The following EPB41L3 variants were observed in gnomAD, a reference collection of about 807,000 sequenced individuals.
The protein encoded by EPB41L3 is band 4.1-like protein 3.
EPB41L3 carries 57 observed loss-of-function variants against 127.1 expected under a neutral mutation model. The ratio of observed to expected loss-of-function variants is 0.45; its 90% CI spans 0.36 to 0.56. EPB41L3 has a LOEUF of 0.56. Ranked by LOEUF, EPB41L3 falls within the 20% of genes least tolerant of loss-of-function variation. EPB41L3 has a pLI of 0.00. For synonymous variants in EPB41L3, 572 were observed against 549.5 expected, an observed-to-expected ratio of 1.04 and a Z score of -0.57; for missense variants, 1,273 against 1,372.2, an observed-to-expected ratio of 0.93 and a Z score of 1.14.
At chr18:5,513,160 T>G (rs2092611021) in intron 1 of EPB41L3, among the ~76,000 whole-genome samples, 1 of 152,136 alleles carries the variant, frequency 6.6e-6, no homozygotes, top group Non-Finnish European at 1.5e-5. Context: ...TCAGCCTGGG[T>G]CCCTCCATTA....
At chr18:5,435,463 T>TATGTTTAG (rs968618921) in intron 6 of EPB41L3, among the ~76,000 whole-genome samples, 1 of 152,212 alleles carries the variant, frequency 6.6e-6, no homozygotes, top group African/African-American at 2.4e-5. Context: ...GTACGTTTTC[T>TATGTTTAG]ATGTTTAGAT....
At chr18:5,564,714 C>T (rs190704620) in intron 3 of EPB41L3, among the ~76,000 whole-genome samples, 22 of 152,288 alleles carry the variant, frequency 1.4e-4, no homozygotes, top group African/African-American at 4.3e-4. Flanking sequence ...AGCTTTTCAT[C>T]TCAGTGCCCA....
intron 3 of EPB41L3, among the ~76,000 whole-genome samples, chr18:5,565,336 C>A (rs564120464): frequency 2.0e-5 from 3 of 152,028 alleles, no homozygotes; most frequent in African/African-American, 7.2e-5. Flanking sequence ...CACTTGAACC[C>A]GGGAGGTGGA....
chr18:5,573,706 C>T (rs2094307345), intron 3 of EPB41L3, among the ~76,000 whole-genome samples: 2 of 152,196 alleles, frequency 1.3e-5, no homozygotes, highest in South Asian at 4.2e-4. Flanking sequence ...CATCAGGACC[C>T]TCATCCCATG....
At chr18:5,412,515 C>T (rs1411548900) in intron 13 of EPB41L3, among the ~76,000 whole-genome samples, 8 of 152,118 alleles carry the variant, frequency 5.3e-5, no homozygotes, top group Admixed American at 3.9e-4. Flanking sequence ...GGTAAGCCAC[C>T]GCGCGCCCAG....
At chr18:5,459,080 A>G (rs1461880019) in intron 3 of EPB41L3, among the ~76,000 whole-genome samples, 1 of 152,148 alleles carries the variant, frequency 6.6e-6, no homozygotes, top group Non-Finnish European at 1.5e-5. Context: ...AATATGTTCT[A>G]GTCAAGCCCT....
At chr18:5,530,345 C>T (rs1285327920) in intron 1 of EPB41L3, among the ~76,000 whole-genome samples, 4 of 152,038 alleles carry the variant, frequency 2.6e-5, no homozygotes, top group African/African-American at 4.8e-5. Context: ...TCATGTATTC[C>T]TTCAAAAAAC....
chr18:5,407,240 T>C (rs573765076), intron 15 of EPB41L3: 120 of 451,902 alleles, frequency 2.7e-4, no homozygotes, highest in Non-Finnish European at 4.5e-4. Context: ...ACATGTATCC[T>C]GAGAGAATTA....
chr18:5,439,062 C>T (rs996379627), intron 5 of EPB41L3, among the ~76,000 whole-genome samples: 3 of 151,954 alleles, frequency 2.0e-5, no homozygotes, highest in Admixed American at 6.6e-5. Flanking sequence ...AGTAACTTAC[C>T]AAAGTCTGGG....
Position 5,395,162 on chromosome 18 carries a change from G to C in EPB41L3, c.3073-15C>G. On this transcript the variant is annotated splice_polypyrimidine_tract_variant and intron_variant, in intron 20 of 22. Coordinates refer to ENST00000341928, the MANE Select transcript of EPB41L3 (RefSeq NM_012307.5). ...CCTTTCACAGTCTGCAAGACACGTA[G>C]AGAAGCTTTATGAATTTACTCACTG... is the stretch of plus-strand genomic sequence containing the variant. The C allele has an allele frequency of 1.2e-6, 2 of 1,611,926 alleles. No individual in the cohort carries two copies. The highest frequency in any genetic ancestry group is 1.3e-5 in the African/African-American group (1 of 74,986).
At chr18:5,400,846 T>C (rs1191810077) in intron 16 of EPB41L3, 2 of 637,308 alleles carry the variant, frequency 3.1e-6, no homozygotes, top group Non-Finnish European at 5.4e-6. Context: ...ATCAAAATTA[T>C]GTACCTACCT....
chr18:5,628,378 G>C (rs1041027436), intron 1 of EPB41L3, among the ~76,000 whole-genome samples: 2 of 152,224 alleles, frequency 1.3e-5, no homozygotes, highest in Non-Finnish European at 2.9e-5. Context: ...AGGGAGTTGC[G>C]GACTGGCGGG....
chr18:5,588,972 C>A (rs1218480667), intron 3 of EPB41L3, among the ~76,000 whole-genome samples: 1 of 151,934 alleles, frequency 6.6e-6, no homozygotes, highest in African/African-American at 2.4e-5. Context: ...AATGATTACT[C>A]TGTAGATGAG....
Position 5,489,118 on chromosome 18 carries a change from C to T in EPB41L3, c.66G>A (p.Ala22=), listed in dbSNP as rs1325389044. ...KPDQEAEPQE[A]AGAQGRAGAP... ...CCCCCGCGCGCCCCTGCGCCCCCGC[C>T]GCCTCCTGGGGCTCGGCCTCCTGGT... The change falls in exon 2 of 23, where the codon GCG becomes GCA. Residue 22 remains alanine, a synonymous_variant. Coordinates refer to ENST00000341928, the MANE Select transcript of EPB41L3 (RefSeq NM_012307.5). 5.0e-6 allele frequency: 8 copies of T among 1,595,032 alleles called. No homozygotes were observed. In the Admixed American group the frequency reaches 5.4e-5, roughly 11 times the overall value.
intron 3 of EPB41L3, among the ~76,000 whole-genome samples, chr18:5,469,118 C>A (rs549443899): frequency 6.6e-6 from 1 of 152,250 alleles, no homozygotes; most frequent in African/African-American, 2.4e-5. Flanking sequence ...TGCTGAAAAG[C>A]ATAACTGAAA....
At chr18:5,515,663 T>C (rs1441962598) in intron 1 of EPB41L3, among the ~76,000 whole-genome samples, 1 of 152,126 alleles carries the variant, frequency 6.6e-6, no homozygotes, top group Non-Finnish European at 1.5e-5. Flanking sequence ...TCAAAATCCT[T>C]AAGGTCAACA....
At chr18:5,440,484 CAATA>C (rs1302609448) in intron 5 of EPB41L3, among the ~76,000 whole-genome samples, 10 of 152,070 alleles carry the variant, frequency 6.6e-5, no homozygotes, top group African/African-American at 2.4e-4. Context: ...AGTGCTTACG[CAATA>C]AATAAGTTTG....
chr18:5,565,407 G>A (rs550057336), intron 3 of EPB41L3, among the ~76,000 whole-genome samples: 42 of 151,420 alleles, frequency 2.8e-4, no homozygotes, highest in Admixed American at 2.0e-3. Flanking sequence ...GCAAGACTCC[G>A]TCTCCAAAAA....
chr18:5,491,869 A>G (rs2090631313), intron 1 of EPB41L3, among the ~76,000 whole-genome samples: 1 of 152,194 alleles, frequency 6.6e-6, no homozygotes, highest in Admixed American at 6.5e-5. Flanking sequence ...ACATTTCTCA[A>G]AGGACATAAG....
Sources: gnomAD v4.1 joint callset for allele counts (sites outside exome capture counted in the v4.1 genomes callset) on GRCh38, gnomAD v4.1.1 for gene constraint, MANE v1.5 for transcripts, NCBI Gene and HGNC (gene_info 2026-07-23, HGNC 2026-07-21) for gene names.